The following UNC80 variants were observed in gnomAD, a reference collection of about 807,000 sequenced individuals.
UNC80 encodes unc-80 subunit of NALCN channel complex, also known as protein unc-80 homolog.
In UNC80, 164 loss-of-function variants were observed where a neutral mutation model predicts 384.6. The observed-to-expected ratio is 0.43, with a 90% CI of 0.38 to 0.49. The LOEUF is 0.49. UNC80 is among the 20% of genes least tolerant of loss of function. The pLI, the probability that UNC80 is intolerant of heterozygous loss-of-function variation, is 0.00. For synonymous variants in UNC80, 1,486 were observed against 1,527.8 expected (o/e 0.97, Z 0.64); for missense variants, 3,330 against 4,143.0 (o/e 0.80, Z 5.39).
intron 21 of UNC80, chr2:209,845,378 C>T (rs200809742): frequency 6.6e-6 from 1 of 152,232 alleles, no homozygotes; most frequent in Non-Finnish European, 1.5e-5. Flanking sequence ...TGTTTACACT[C>T]TCCTTTTAAT....
At position 209,835,020 on chromosome 2, in the gene UNC80, G is replaced by A. The variant is rs750749123; in HGVS notation, c.3041+10G>A. On this transcript the variant is annotated intron_variant, in intron 18 of 64. Transcript: ENST00000673920. ...CACAGACTCCAGAGCAGTAAGTAGC[G>A]TTGGTTTTGTCTCCAGTGCAGACGG... is the stretch of plus-strand genomic sequence containing the variant. The A allele has an allele frequency of 3.0e-5, 47 of 1,546,962 alleles. No individual in the cohort carries two copies. Among genetic ancestry groups the A allele is most frequent in the South Asian group, 2.5e-4 (21 of 83,956 alleles).
At chr2:209,918,847 CAAAA>C (rs887782186) in intron 33 of UNC80, among the ~76,000 whole-genome samples, 184 bp downstream of exon 33, 2 of 150,446 alleles carry the variant, frequency 1.3e-5, no homozygotes, top group South Asian at 4.2e-4. Flanking sequence ...TTGCAGATCT[CAAAA>C]AAAAAGTCTT....
chr2:209,891,205 CG>C (rs2086291193), intron 26 of UNC80, among the ~76,000 whole-genome samples: 3 of 152,032 alleles, frequency 2.0e-5, no homozygotes, highest in African/African-American at 7.2e-5. Flanking sequence ...AAGATCAAAA[CG>C]TTTTCACAAC....
intron 51 of UNC80, among the ~76,000 whole-genome samples, chr2:209,966,817 G>C (rs2125008422): frequency 1.3e-5 from 2 of 152,298 alleles, no homozygotes; most frequent in Middle Eastern, 6.8e-3. Context: ...ATTATATGAA[G>C]AATCTCAACA....
chr2:209,793,631 A>T, intron 6 of UNC80, 89 bp from the exon 7 acceptor site: 1 of 1,489,446 alleles, frequency 6.7e-7, no homozygotes. Context: ...ACCATGTTGT[A>T]ATATGGTAGC....
chr2:209,866,651 T>C (rs1467040892), intron 22 of UNC80, among the ~76,000 whole-genome samples: 1 of 152,186 alleles, frequency 6.6e-6, no homozygotes, highest in South Asian at 2.1e-4. Context: ...GAGTTTTAAC[T>C]GTGTTTTAGT....
intron 28 of UNC80, among the ~76,000 whole-genome samples, chr2:209,903,289 G>C (rs990580030): frequency 4.8e-5 from 6 of 125,792 alleles, no homozygotes; most frequent in African/African-American, 1.8e-4. Flanking sequence ...TTATGTGTGT[G>C]TGTGTATATA....
rs1011532132 is a variant in UNC80 at position 209,998,962 on chromosome 2, G to A, written c.*3367G>A. The A allele has an allele frequency of 2.6e-5, 4 of 152,188 alleles. No homozygotes were observed. The highest frequency in any genetic ancestry group is 7.2e-5 in the African/African-American group (3 of 41,444). 9.4% of individuals were successfully genotyped at this position (152,188 alleles called of 1,614,324 possible). ...AATAAAAACAAGTTGAGGGCAGAAT[G>A]TATTTGGAAAAGCTTAAGACAAATT... On this transcript the variant is annotated 3_prime_UTR_variant, in exon 65 of 65. Transcript: ENST00000673920.
chr2:209,859,022 A>T (rs1209007646), intron 22 of UNC80, among the ~76,000 whole-genome samples: 1 of 152,202 alleles, frequency 6.6e-6, no homozygotes, highest in African/African-American at 2.4e-5. Flanking sequence ...TAGAAATCAC[A>T]TACATATTTA....
intron 47 of UNC80, among the ~76,000 whole-genome samples, chr2:209,950,679 C>T (rs748263487): frequency 1.3e-5 from 2 of 151,962 alleles, no homozygotes; most frequent in African/African-American, 4.8e-5. Context: ...CTGCCTCAGC[C>T]TCCCGAGTAG....
chr2:209,957,765 G>T, intron 49 of UNC80, 29 bp downstream of exon 49: 1 of 1,545,574 alleles, frequency 6.5e-7, no homozygotes, highest in South Asian at 1.2e-5. Flanking sequence ...TTCTTCTATG[G>T]TCTCTCAATT....
chr2:209,936,441 T>C (rs949946098), intron 40 of UNC80, among the ~76,000 whole-genome samples: 13 of 152,210 alleles, frequency 8.5e-5, no homozygotes, highest in African/African-American at 2.9e-4. Flanking sequence ...TTCTCAAACA[T>C]GCTTTCTTCC....
At chr2:209,918,441 A>T in intron 32 of UNC80, 91 bp from the exon 33 acceptor site, 1 of 1,381,594 alleles carries the variant, frequency 7.2e-7, no homozygotes, top group South Asian at 1.5e-5. Context: ...GATGATTAAC[A>T]CTTCCTGAGA....
At chr2:209,950,921 C>G (rs1165199033) in intron 47 of UNC80, among the ~76,000 whole-genome samples, 1 of 151,938 alleles carries the variant, frequency 6.6e-6, no homozygotes, top group Non-Finnish European at 1.5e-5. Flanking sequence ...GCCTGGAATC[C>G]CAGCACTTTG....
intron 53 of UNC80, chr2:209,970,102 T>C: frequency 1.7e-6 from 1 of 578,232 alleles, no homozygotes; most frequent in Non-Finnish European, 2.9e-6. Context: ...GGGATTTTGG[T>C]GTGCTGCTTC....
chr2:209,898,148 G>A (rs971693776), intron 28 of UNC80, among the ~76,000 whole-genome samples: 14 of 151,736 alleles, frequency 9.2e-5, no homozygotes, highest in African/African-American at 3.1e-4. Flanking sequence ...TTTCAATTTT[G>A]TCTTTTAAAA....
chr2:209,961,203 C>T (rs1331257310), intron 51 of UNC80: 1 of 152,038 alleles, frequency 6.6e-6, no homozygotes, highest in Admixed American at 6.6e-5. Flanking sequence ...GTCAGAGAGG[C>T]CTGGCGCTCC....
chr2:209,931,386 C>CAT (rs1229809792), intron 38 of UNC80, among the ~76,000 whole-genome samples: 2 of 151,178 alleles, frequency 1.3e-5, no homozygotes, highest in Non-Finnish European at 3.0e-5. Flanking sequence ...CACACACACA[C>CAT]ACACACACAC....
intron 19 of UNC80, 53 bp from the exon 20 acceptor site, chr2:209,840,489 A>G (rs2081656944): frequency 6.9e-7 from 1 of 1,444,560 alleles, no homozygotes; most frequent in Admixed American, 2.0e-5. Context: ...TTTCTGTTTA[A>G]TTGATTGGAT....
Sources: gnomAD v4.1 joint callset for allele counts (sites outside exome capture counted in the v4.1 genomes callset) on GRCh38, gnomAD v4.1.1 for gene constraint, MANE v1.5 for transcripts, NCBI Gene and HGNC (gene_info 2026-07-23, HGNC 2026-07-21) for gene names.